Variants in WIZ observed in about 807,000 individuals in gnomAD.
The protein encoded by WIZ is WIZ zinc finger.
In WIZ, 25 loss-of-function variants were observed where a neutral mutation model predicts 140.2. The observed-to-expected ratio is 0.18, with a 90% CI of 0.13 to 0.25. The LOEUF is 0.25. Among genes scored for constraint, WIZ ranks in the 10% least tolerant of loss-of-function variants. WIZ has a pLI of 1.00. For missense variants in WIZ, 2,231 were observed against 2,632.6 expected (o/e 0.85, Z 3.34); for synonymous variants, 1,125 against 1,154.3 (o/e 0.97, Z 0.51).
intron 9 of WIZ, among the ~76,000 whole-genome samples, chr19:15,426,467 C>A (rs1968828256): frequency 6.6e-6 from 1 of 152,192 alleles, no homozygotes; most frequent in Non-Finnish European, 1.5e-5. Context: ...GAAAACCAGA[C>A]AGAGTTGGGA....
At position 15,428,834 on chromosome 19, in the gene WIZ, G is replaced by A. The variant is rs774839300; in HGVS notation, c.3416-326C>T. Reference sequence around the variant, plus strand: ...GGGCGATGGTGGCTGCTGGGCTCACGCAGCCAAGGGCACACCTGCTCAAGG... The same window carrying A: ...GGGCGATGGTGGCTGCTGGGCTCACACAGCCAAGGGCACACCTGCTCAAGG... On this transcript the variant is annotated intron_variant, in intron 7 of 12. Transcript: ENST00000673675. The surrounding 1 kb of genome is among the most constrained non-coding windows in gnomAD (Gnocchi z 6.4). Among the ~76,000 whole-genome samples, 4 of 152,134 alleles carry A rather than the reference G, an allele frequency of 2.6e-5. No individual in the cohort carries two copies. The highest frequency in any genetic ancestry group is 5.9e-5 in the Non-Finnish European group (4 of 68,016).
At chr19:15,447,499 G>A (rs1969959787) in intron 2 of WIZ, among the ~76,000 whole-genome samples, 1 of 152,206 alleles carries the variant, frequency 6.6e-6, no homozygotes, top group Admixed American at 6.5e-5. Flanking sequence ...AGGAATTCTT[G>A]CCTCTTTGGT....
In WIZ at chr19:15,440,591, C is replaced by T. The variant is rs1348909653; in HGVS notation, c.403G>A (p.Glu135Lys). Residue 135 changes from glutamate (E) to lysine (K), a missense_variant, in exon 4 of 13, where the codon GAG becomes AAG. Glu to Lys is a moderately conservative substitution (Grantham distance 56). Coordinates refer to ENST00000673675, the MANE Select transcript of WIZ (RefSeq NM_001371589.1). The surrounding 1 kb of genome is among the most constrained non-coding windows in gnomAD (Gnocchi z 6.2). ...AATCTCCGCTCAGATAGGATGCCCT[C>T]CCCAGCCTCCTGGACAAGGGGGTGC... ...WEHPLVQEAG[E>K]GILSERRFED... 2.0e-6 allele frequency: 3 copies of T among 1,535,990 alleles called. No individual in the cohort carries two copies. The South Asian group carries it at 3.6e-5, about 18-fold the overall frequency.
At chr19:15,447,996 A>T in intron 2 of WIZ, 107 bp downstream of exon 2, 1 of 1,305,020 alleles carries the variant, frequency 7.7e-7, no homozygotes, top group Non-Finnish European at 1.1e-6. Flanking sequence ...ACCCAAGCGG[A>T]ATCAGCATCC....
At position 15,429,984 on chromosome 19, in the gene WIZ, G is replaced by A; in HGVS notation, c.3017C>T (p.Ser1006Leu). The A allele has an allele frequency of 1.3e-6, 2 of 1,536,014 alleles. No individual in the cohort carries two copies. Among genetic ancestry groups the A allele is most frequent in the Non-Finnish European group, 1.7e-6 (2 of 1,146,830 alleles). Residue 1006 changes from serine (S) to leucine (L), a missense_variant, in exon 7 of 13, where the codon TCG becomes TTG. Around this residue, in one of 15 missense-constraint regions of WIZ, gnomAD observed 24 missense variants for 61.2 expected, o/e 0.39. Coordinates refer to ENST00000673675, the MANE Select transcript of WIZ (RefSeq NM_001371589.1). ...SHLRQLGVAESESSGAPIDLL... is the reference protein window; with the variant it reads ...SHLRQLGVAELESSGAPIDLL... ...GTCGATGGGTGCGCCGCTGCTTTCCGACTCTGCCACTCCCAGCTGCCGCAG... is the reference window on the plus strand; with the variant it reads ...GTCGATGGGTGCGCCGCTGCTTTCCAACTCTGCCACTCCCAGCTGCCGCAG...
intron 6 of WIZ, 21 bp from the exon 7 acceptor site, chr19:15,430,110 C>CG: frequency 6.7e-7 from 1 of 1,495,558 alleles, no homozygotes; most frequent in East Asian, 2.5e-5. Context: ...ACACAGAGGC[C>CG]GGGAGAGCAG....
At chr19:15,433,048 AAAC>A (rs752389323) in intron 5 of WIZ, 6 of 158,834 alleles carry the variant, frequency 3.8e-5, no homozygotes, top group Admixed American at 6.5e-5. Flanking sequence ...AGACCCCCTT[AAAC>A]AACGTCAAAA....
chr19:15,433,452 T>C, intron 5 of WIZ: 1 of 649,920 alleles, frequency 1.5e-6, no homozygotes, highest in Non-Finnish European at 1.9e-6. Context: ...CTAGCCCTAA[T>C]GTTGCATATC....
chr19:15,448,497 C>A (rs1750336933), intron 1 of WIZ, 130 bp from the exon 2 acceptor site: 2 of 698,340 alleles, frequency 2.9e-6, no homozygotes, highest in Admixed American at 2.9e-5. Context: ...CCCAGGGGAG[C>A]TAATGGTGTT....
rs1336559618 is a variant in WIZ, at chr19:15,429,782, C to T, written c.3219G>A (p.Ser1073=). ...DAPAVNKAIK[S]PPGFSAKGLG... The stretch of plus-strand genomic sequence containing the variant: ...GGCCCTTGGCCGAGAAGCCGGGAGG[C>T]GACTTGATGGCTTTGTTGACAGCAG... The change falls in exon 7 of 13, where the codon TCG becomes TCA. Residue 1073 remains serine (S), a synonymous_variant. Coordinates refer to ENST00000673675, the MANE Select transcript of WIZ (RefSeq NM_001371589.1). 1.2e-5 allele frequency: 18 copies of T among 1,516,524 alleles called. No individual in the cohort carries two copies. The highest frequency in any genetic ancestry group is 4.1e-5 in the African/African-American group (3 of 72,312). 93.9% of individuals were successfully genotyped at this position (1,516,524 alleles called of 1,614,324 possible). A position where few individuals can be genotyped will look rare whatever the true frequency, so the allele number is the denominator to read the frequency against.
chr19:15,438,554 C>T (rs753458830), intron 4 of WIZ, 24 bp downstream of exon 4: 3 of 1,477,550 alleles, frequency 2.0e-6, no homozygotes, highest in Middle Eastern at 1.8e-4. Context: ...GTCTCCTGGG[C>T]CTTTAAAAGT....
At position 15,428,343 on chromosome 19, in the gene WIZ, C is replaced by T; in HGVS notation, c.3581G>A (p.Arg1194Lys). 6.5e-7 allele frequency: 1 copy of T among 1,535,188 alleles called. No individual in the cohort carries two copies. Among genetic ancestry groups the T allele is most frequent in the African/African-American group, 1.4e-5 (1 of 73,130 alleles). Residue 1194 changes from arginine (R) to lysine (K), a missense_variant, in exon 8 of 13, where the codon AGG becomes AAG. Arg to Lys is a conservative substitution (Grantham distance 26). Around this residue, in one of 15 missense-constraint regions of WIZ, gnomAD observed 141 missense variants for 161.2 expected, o/e 0.87. Coordinates refer to ENST00000673675, the MANE Select transcript of WIZ (RefSeq NM_001371589.1). This position sits in a 1 kb window ranked among gnomAD's most constrained non-coding sequence, Gnocchi z 6.4. ...GAGGCGGATCTGGACGCCGTCCCTC[C>T]TGATGAGCCCGTGGAGCACGTCTAT... The part of the protein sequence containing the change: ...SPIDVLHGLI[R>K]RDGVQIRLPP...
At chr19:15,437,610 T>A (rs1298348309) in intron 4 of WIZ, among the ~76,000 whole-genome samples, 1 of 152,220 alleles carries the variant, frequency 6.6e-6, no homozygotes, top group African/African-American at 2.4e-5. Flanking sequence ...GAGCTATAAT[T>A]GCCCCATGGC....
rs887034410 is a variant in WIZ, at chr19:15,440,161, T to C, written c.833A>G (p.Gln278Arg). Residue 278 changes from glutamine (Q) to arginine (R), a missense_variant, in exon 4 of 13, where the codon CAG becomes CGG. This residue lies in a region of WIZ where 307 missense variants were observed against 294.1 expected (regional missense o/e 1.04). Coordinates refer to ENST00000673675, the MANE Select transcript of WIZ (RefSeq NM_001371589.1). The surrounding 1 kb of genome is among the most constrained non-coding windows in gnomAD (Gnocchi z 6.2). The stretch of plus-strand genomic sequence containing the variant: ...GGTCCGGATCGGGGGCAGTAGCGGC[T>C]GCAGCCGCTCCACAGAAGCCTCCGA... ...VNSEASVERL[Q>R]PLLPPIRTGP... is the part of the protein sequence containing the mutation. 1 of 1,532,218 alleles carries C rather than the reference T, an allele frequency of 6.5e-7. No homozygotes were observed. The highest frequency in any genetic ancestry group is 8.7e-7 in the Non-Finnish European group (1 of 1,145,172). The allele number at this position is 1,532,218 out of a possible 1,614,324, so 94.9% of individuals were successfully genotyped here.
intron 2 of WIZ, among the ~76,000 whole-genome samples, chr19:15,443,489 C>T (rs1033074635): frequency 4.6e-5 from 7 of 152,180 alleles, no homozygotes; most frequent in Non-Finnish European, 1.0e-4. Context: ...ACTGTATGGG[C>T]CTCCTCAGGA....
chr19:15,422,368 A>G lies in WIZ; in HGVS notation c.*708T>C, dbSNP rs1006027936. On this transcript the variant is annotated 3_prime_UTR_variant, in exon 13 of 13. Coordinates refer to ENST00000673675, the MANE Select transcript of WIZ (RefSeq NM_001371589.1). Reference sequence around the variant, plus strand: ...GTCCCACCCCCCAACCCCACCCTCCAGGGCCCCAGAGCCCCTGAGGCTCTT... The same window carrying G: ...GTCCCACCCCCCAACCCCACCCTCCGGGGCCCCAGAGCCCCTGAGGCTCTT... The G allele has an allele frequency of 6.6e-6, 1 of 152,080 alleles. No homozygotes were observed. The highest frequency in any genetic ancestry group is 1.5e-5 in the Non-Finnish European group (1 of 68,056). 9.4% of individuals were successfully genotyped at this position (152,080 alleles called of 1,614,324 possible).
rs1969784534 is a variant in WIZ at position 15,442,624 on chromosome 19, G to A, written c.278+52C>T. 1 of 1,199,762 alleles carries A rather than the reference G, an allele frequency of 8.3e-7. No homozygotes were observed. The highest frequency in any genetic ancestry group is 1.0e-6 in the Non-Finnish European group (1 of 958,542). The allele number at this position is 1,199,762 out of a possible 1,614,324, so 74.3% of individuals were successfully genotyped here. The stretch of plus-strand genomic sequence containing the variant: ...AGGGGCTTATCTGAGGCCTGGGCAT[G>A]TCCTGCTTGCCCCCCTGCCCTCCCT... On this transcript the variant is annotated intron_variant, in intron 3 of 12. Transcript: ENST00000673675. The surrounding 1 kb of genome is among the most constrained non-coding windows in gnomAD (Gnocchi z 5.5).
At position 15,442,323 on chromosome 19, in the gene WIZ, C is replaced by T. The variant is rs1452492433; in HGVS notation, c.278+353G>A. Among the ~76,000 whole-genome samples the T allele has an allele frequency of 1.3e-5, 2 of 152,180 alleles. No homozygotes were observed. Among genetic ancestry groups the T allele is most frequent in the Non-Finnish European group, 2.9e-5 (2 of 68,034 alleles). On this transcript the variant is annotated intron_variant, in intron 3 of 12. Transcript: ENST00000673675. This position sits in a 1 kb window ranked among gnomAD's most constrained non-coding sequence, Gnocchi z 5.5. ...ATCCTCAAGGCGAATTCATGAGATGCATCTTATGGACTCCATTTTGCAGAT... is the reference window on the plus strand; with the variant it reads ...ATCCTCAAGGCGAATTCATGAGATGTATCTTATGGACTCCATTTTGCAGAT...
In WIZ at chr19:15,438,601, G is replaced by A; in HGVS notation, c.2393C>T (p.Ser798Phe). 6.6e-7 allele frequency: 1 copy of A among 1,510,044 alleles called. No homozygotes were observed. The highest frequency in any genetic ancestry group is 8.9e-7 in the Non-Finnish European group (1 of 1,127,092). 93.5% of individuals were successfully genotyped at this position (1,510,044 alleles called of 1,614,324 possible). ...ACCTTTTTTCTTCTTCTTCTGGAAG[G>A]AGAACCTGCGCTCAATGGCCTTCAC... Reference protein sequence around the residue: ...EEVKAIERRFSFQKKKKKVAN... With the variant: ...EEVKAIERRFFFQKKKKKVAN... Residue 798 changes from serine (S) to phenylalanine (F), a missense_variant, in exon 4 of 13, where the codon TCC (serine) becomes TTC (phenylalanine). By Grantham distance (155) the Ser-to-Phe change is radical. Transcript: ENST00000673675.
Sources: gnomAD v4.1 joint callset for allele counts (sites outside exome capture counted in the v4.1 genomes callset) on GRCh38, gnomAD v4.1.1 for gene constraint, gnomAD v4.1.1 regional missense constraint, Gnocchi (gnomAD v3.1) non-coding constraint, MANE v1.5 for transcripts, NCBI Gene and HGNC (gene_info 2026-07-23, HGNC 2026-07-21) for gene names.